The following ADGRL2 variants were observed in gnomAD, a reference collection of about 807,000 sequenced individuals.
ADGRL2 encodes adhesion G protein-coupled receptor L2.
A neutral mutation model predicts 157.4 loss-of-function variants in ADGRL2; 44 were observed. The observed-to-expected ratio is 0.28, with a 90% CI of 0.22 to 0.36. The LOEUF (loss-of-function observed/expected upper bound fraction) is 0.36. ADGRL2 is among the 10% of genes least tolerant of loss of function. The probability of loss-of-function intolerance (pLI) is 1.00; values close to 1 mark genes in which losing one functional copy is unlikely to be tolerated. For synonymous variants in ADGRL2, 585 were observed against 624.7 expected (o/e 0.94, Z 0.95); for missense variants, 1,510 against 1,768.9 (o/e 0.85, Z 2.63).
At chr1:81,969,762 TAATATC>T (rs1300781310) in intron 15 of ADGRL2, among the ~76,000 whole-genome samples, 2 of 152,180 alleles carry the variant, frequency 1.3e-5, no homozygotes, top group Non-Finnish European at 2.9e-5. Flanking sequence ...CATGAGGTCT[TAATATC>T]AGAAACAGAA....
upstream of ADGRL2, among the ~76,000 whole-genome samples, chr1:81,799,961 G>A (rs540970281): frequency 2.6e-5 from 4 of 152,186 alleles, no homozygotes; most frequent in East Asian, 5.8e-4. Flanking sequence ...TTTTTCCAGC[G>A]TGATTCGCCC....
chr1:81,701,050 G>A (rs2149031472), intron 1 of ADGRL2, among the ~76,000 whole-genome samples: 1 of 152,342 alleles, frequency 6.6e-6, no homozygotes, highest in South Asian at 2.1e-4. Context: ...CAAGCAGACA[G>A]GGTACGGCAC....
At position 81,986,875 on chromosome 1, in the gene ADGRL2, TTTG is replaced by T. The variant is rs753193391; in HGVS notation, c.3509-20_3509-18del. 3.0e-4 allele frequency: 479 copies of T among 1,588,880 alleles called. 4 individuals are homozygous for T. In the African/African-American group the frequency reaches 6.1e-3, roughly 20 times the overall value. On this transcript the variant is annotated intron_variant, in intron 21 of 23. Coordinates refer to ENST00000686636, the MANE Select transcript of ADGRL2 (RefSeq NM_001366006.2). ...AAACTGATGTACTTTTCTCTGTTTT[TTTG>T]TTGTTTTTTTTTTTTACTTTAGGAA...
chr1:81,437,495 T>C (rs937138242), intron 1 of ADGRL2, among the ~76,000 whole-genome samples: 2 of 152,202 alleles, frequency 1.3e-5, no homozygotes, highest in African/African-American at 4.8e-5. Flanking sequence ...TTAAGTTCTT[T>C]TGGAGCAGTT....
intron 2 of ADGRL2, among the ~76,000 whole-genome samples, chr1:81,881,149 A>G (rs2093976654): frequency 6.6e-6 from 1 of 152,064 alleles, no homozygotes; most frequent in Admixed American, 6.6e-5. Context: ...TATTTTTGGT[A>G]AGGCATTAAT....
chr1:81,339,286 A>G (rs894184427), intron 1 of ADGRL2, among the ~76,000 whole-genome samples: 3 of 152,236 alleles, frequency 2.0e-5, no homozygotes, highest in African/African-American at 4.8e-5. Flanking sequence ...TTAATTAATT[A>G]ATAGTAACTG....
intron 3 of ADGRL2, among the ~76,000 whole-genome samples, chr1:81,908,375 T>G (rs1475911672): frequency 6.6e-6 from 1 of 152,236 alleles, no homozygotes; most frequent in Non-Finnish European, 1.5e-5. Context: ...GATTGGCTTA[T>G]TTCACTTAGT....
chr1:81,936,865 A>G, intron 4 of ADGRL2, 28 bp downstream of exon 4: 1 of 1,374,714 alleles, frequency 7.3e-7, no homozygotes, highest in Non-Finnish European at 1.0e-6. Flanking sequence ...ATTTTTTTAC[A>G]CTTTGCCCAG....
Position 81,328,675 on chromosome 1 carries a change from A to C in ADGRL2, c.-302+22166A>C, listed in dbSNP as rs142105866. ...CACTCAGATAAAGAAGACTGTAGAG[A>C]ACGTTCAGATACTTTAACATAGTTA... On this transcript the variant is annotated intron_variant, in intron 1 of 24. Transcript: ENST00000370721. Among the ~76,000 whole-genome samples the C allele has an allele frequency of 7.6e-4, 115 of 152,206 alleles. 1 individual carries two copies. Among genetic ancestry groups the C allele is most frequent in the African/African-American group, 2.6e-3 (107 of 41,542 alleles).
chr1:81,927,536 G>C (rs2095136224), intron 3 of ADGRL2, among the ~76,000 whole-genome samples: 1 of 151,814 alleles, frequency 6.6e-6, no homozygotes, highest in Non-Finnish European at 1.5e-5. Flanking sequence ...CTGTGTACCA[G>C]TATTCATGCA....
intron 3 of ADGRL2, among the ~76,000 whole-genome samples, chr1:81,612,114 T>C (rs1323644163): frequency 6.6e-6 from 1 of 152,102 alleles, no homozygotes; most frequent in Non-Finnish European, 1.5e-5. Flanking sequence ...AGTATGAAAA[T>C]GGAGGAATAC....
intron 2 of ADGRL2, among the ~76,000 whole-genome samples, chr1:81,902,324 G>A (rs964490164): frequency 9.9e-5 from 15 of 152,114 alleles, no homozygotes; most frequent in Non-Finnish European, 1.5e-4. Context: ...CTGGCCAAAC[G>A]TGGTGGCTCA....
chr1:81,406,774 C>T (rs2076860937), intron 1 of ADGRL2, among the ~76,000 whole-genome samples: 1 of 152,090 alleles, frequency 6.6e-6, no homozygotes. Flanking sequence ...CAACTCTGCT[C>T]CCCAATCAGC....
At position 81,943,696 on chromosome 1, in the gene ADGRL2, C is replaced by G; in HGVS notation, c.1137C>G (p.Asn379Lys). Residue 379 changes from asparagine (N) to lysine (K), a missense_variant, in exon 6 of 24, where the codon AAC (asparagine) becomes AAG (lysine). Physicochemically the swap from Asn to Lys is moderately conservative, Grantham distance 94. Around this residue, in one of 4 missense-constraint regions of ADGRL2, gnomAD observed 361 missense variants for 498.4 expected, o/e 0.72. Coordinates refer to ENST00000686636, the MANE Select transcript of ADGRL2 (RefSeq NM_001366006.2). This position sits in a 1 kb window ranked among gnomAD's most constrained non-coding sequence, Gnocchi z 5.6. ...CAGTGGATTACAATCCAAGAGATAACCAACTTTACGTGTGGAACAATAACT... is the reference window on the plus strand; with the variant it reads ...CAGTGGATTACAATCCAAGAGATAAGCAACTTTACGTGTGGAACAATAACT... ...IAAVDYNPRDNQLYVWNNNFI... is the reference protein window; with the variant it reads ...IAAVDYNPRDKQLYVWNNNFI... 1 of 1,613,594 alleles carries G rather than the reference C, an allele frequency of 6.2e-7. No homozygotes were observed. Among genetic ancestry groups the G allele is most frequent in the Non-Finnish European group, 8.5e-7 (1 of 1,179,618 alleles).
chr1:81,340,700 G>C (rs529378949), intron 1 of ADGRL2, among the ~76,000 whole-genome samples: 1 of 152,248 alleles, frequency 6.6e-6, no homozygotes, highest in African/African-American at 2.4e-5. Context: ...TGGCACACCA[G>C]ATAAGAAAGT....
intron 2 of ADGRL2, among the ~76,000 whole-genome samples, chr1:81,890,040 T>G (rs534727483): frequency 6.6e-6 from 1 of 152,336 alleles, no homozygotes; most frequent in East Asian, 1.9e-4. Flanking sequence ...AATGTGAATT[T>G]TGGGATCTTA....
At chr1:81,462,450 C>A (rs1035493228) in intron 2 of ADGRL2, among the ~76,000 whole-genome samples, 12 of 152,058 alleles carry the variant, frequency 7.9e-5, no homozygotes, top group Non-Finnish European at 1.3e-4. Context: ...GTCAGCGAGA[C>A]CAAGAACCCA....
chr1:81,725,403 G>T (rs1306391400), intron 1 of ADGRL2, among the ~76,000 whole-genome samples: 1 of 151,932 alleles, frequency 6.6e-6, no homozygotes, highest in African/African-American at 2.4e-5. Context: ...GCTGGGCGTG[G>T]TAGCAGGCGC....
rs61063352 is a variant in ADGRL2, at chr1:81,428,084, T to C, written c.-301-16952T>C. 3.6e-3 allele frequency among the ~76,000 whole-genome samples: 553 copies of C among 152,304 alleles called. 1 individual carries two copies. The highest frequency in any genetic ancestry group is 0.013 in the African/African-American group (522 of 41,578). On this transcript the variant is annotated intron_variant, in intron 1 of 24. Coordinates refer to the ADGRL2 transcript ENST00000370721. ...TTTCCTTGTGAGTTAACAAGATCAT[T>C]GTTAATTACTATTTTGTATGAATTT...
Sources: allele counts gnomAD v4.1 joint callset (sites outside exome capture counted in the v4.1 genomes callset), GRCh38; gene constraint gnomAD v4.1.1; regional missense constraint gnomAD v4.1.1; non-coding constraint Gnocchi (gnomAD v3.1); transcripts MANE v1.5; gene names NCBI Gene and HGNC (gene_info 2026-07-23, HGNC 2026-07-21).